SLC5A12: variants seen among roughly 807,000 people sequenced by gnomAD.
The protein encoded by SLC5A12 is sodium-coupled monocarboxylate transporter 2.
In SLC5A12, 46 loss-of-function variants were observed where a neutral mutation model predicts 72.7. That is an observed-to-expected ratio of 0.63 (90% CI 0.50 to 0.81). The LOEUF (loss-of-function observed/expected upper bound fraction) is 0.81, where lower values mean the gene tolerates loss of function less well. SLC5A12 is among the 30% of genes least tolerant of loss of function. The pLI, the probability that SLC5A12 is intolerant of heterozygous loss-of-function variation, is 0.00. For missense variants in SLC5A12, 683 were observed against 740.7 expected, an observed-to-expected ratio of 0.92 and a Z score of 0.90; for synonymous variants, 275 against 264.4, an observed-to-expected ratio of 1.04 and a Z score of -0.39.
chr11:26,682,543 T>C (rs1854434404), intron 11 of SLC5A12, among the ~76,000 whole-genome samples: 1 of 152,098 alleles, frequency 6.6e-6, no homozygotes, highest in Non-Finnish European at 1.5e-5. Context: ...GTGACACAAA[T>C]TTATAATATT....
Position 26,668,210 on chromosome 11 carries a change from C to G in SLC5A12, c.*2892G>C, listed in dbSNP as rs1246264845. 2 of 151,798 alleles carry G rather than the reference C, an allele frequency of 1.3e-5. No individual in the cohort carries two copies. The highest frequency in any genetic ancestry group is 4.8e-5 in the African/African-American group (2 of 41,364). The allele number at this position is 151,798 out of a possible 1,614,324, so 9.4% of individuals were successfully genotyped here. A position where few individuals can be genotyped will look rare whatever the true frequency, so the allele number is the denominator to read the frequency against. On this transcript the variant is annotated 3_prime_UTR_variant, in exon 15 of 15. Coordinates refer to ENST00000396005, the MANE Select transcript of SLC5A12 (RefSeq NM_178498.4). ...TTGTAGTTCTTATTCCAAATGGTGACAAAAAATGTCTGTCATCAAAATGAA... is the reference window on the plus strand; with the variant it reads ...TTGTAGTTCTTATTCCAAATGGTGAGAAAAAATGTCTGTCATCAAAATGAA...
chr11:26,716,124 G>A (rs1855344179), intron 1 of SLC5A12: 1 of 152,074 alleles, frequency 6.6e-6, no homozygotes, highest in Non-Finnish European at 1.5e-5. Context: ...AAACATAAGG[G>A]GCAACGAATC....
At chr11:26,693,076 C>T (rs914064914) in intron 8 of SLC5A12, among the ~76,000 whole-genome samples, 4 of 152,170 alleles carry the variant, frequency 2.6e-5, no homozygotes, top group East Asian at 1.9e-4. Flanking sequence ...ACCAGAAAGA[C>T]GTAGATCTTG....
Position 26,698,554 on chromosome 11 carries a change from G to T in SLC5A12, c.822-19C>A, listed in dbSNP as rs1371934923. 6.2e-7 allele frequency: 1 copy of T among 1,613,214 alleles called. No individual in the cohort carries two copies. Among genetic ancestry groups the T allele is most frequent in the African/African-American group, 1.3e-5 (1 of 74,866 alleles). On this transcript the variant is annotated intron_variant, in intron 6 of 14. Coordinates refer to ENST00000396005, the MANE Select transcript of SLC5A12 (RefSeq NM_178498.4). ...CAAGGCACTAGAAAAGAGCACATGGGCCTATTGGTAGCCTGTATACCATAT... is the reference window on the plus strand; with the variant it reads ...CAAGGCACTAGAAAAGAGCACATGGTCCTATTGGTAGCCTGTATACCATAT...
intron 8 of SLC5A12, among the ~76,000 whole-genome samples, chr11:26,696,053 C>T (rs1253964931): frequency 6.6e-6 from 1 of 152,110 alleles, no homozygotes; most frequent in Non-Finnish European, 1.5e-5. Flanking sequence ...CTTAAAGACC[C>T]TATCGAAATT....
chr11:26,671,413 T>A (rs1854139527), intron 14 of SLC5A12, among the ~76,000 whole-genome samples, 162 bp from the exon 15 acceptor site: 2 of 152,132 alleles, frequency 1.3e-5, no homozygotes, highest in African/African-American at 4.8e-5. Context: ...ATAACTTTGA[T>A]AATCCACGTA....
rs1371663074 is a variant in SLC5A12, at chr11:26,668,906, A to G, written c.*2196T>C. 1 of 152,042 alleles carries G rather than the reference A, an allele frequency of 6.6e-6. No individual in the cohort carries two copies. The highest frequency in any genetic ancestry group is 1.5e-5 in the Non-Finnish European group (1 of 67,974). The allele number at this position is 152,042 out of a possible 1,614,324, so 9.4% of individuals were successfully genotyped here. A position where few individuals can be genotyped will look rare whatever the true frequency, so the allele number is the denominator to read the frequency against. ...AAACGTTTTTAAAACTTTCTCGGAA[A>G]TGTACTGACCTAGTGAAATGTCTTT... On this transcript the variant is annotated 3_prime_UTR_variant, in exon 15 of 15. Coordinates refer to ENST00000396005, the MANE Select transcript of SLC5A12 (RefSeq NM_178498.4).
At chr11:26,701,143 C>A (rs925613354) in intron 6 of SLC5A12, among the ~76,000 whole-genome samples, 1 of 138,594 alleles carries the variant, frequency 7.2e-6, no homozygotes, top group Admixed American at 6.8e-5. Flanking sequence ...ACAGATGGGA[C>A]CCCCCTCACC....
At chr11:26,690,080 A>T (rs1854629926) in intron 9 of SLC5A12, among the ~76,000 whole-genome samples, 1 of 152,202 alleles carries the variant, frequency 6.6e-6, no homozygotes, top group Non-Finnish European at 1.5e-5. Context: ...AAAAAAGTAG[A>T]TGCTATTGCT....
chr11:26,697,095 T>C (rs1854834187), intron 8 of SLC5A12, 69 bp downstream of exon 8: 1 of 1,324,704 alleles, frequency 7.5e-7, no homozygotes, highest in East Asian at 2.3e-5. Context: ...CTAAATATTG[T>C]TGATCACTAC....
chr11:26,675,936 T>C (rs1393054316), intron 13 of SLC5A12, among the ~76,000 whole-genome samples: 1 of 149,868 alleles, frequency 6.7e-6, no homozygotes, highest in East Asian at 2.0e-4. Context: ...CATGAGTGTG[T>C]GTGTATCTAT....
chr11:26,687,354 G>A (rs1246133029), intron 9 of SLC5A12, among the ~76,000 whole-genome samples: 1 of 152,150 alleles, frequency 6.6e-6, no homozygotes, highest in Non-Finnish European at 1.5e-5. Flanking sequence ...TGACAGAGAT[G>A]GAGACACAGT....
chr11:26,670,970 A>T lies in SLC5A12; in HGVS notation c.*132T>A. On this transcript the variant is annotated 3_prime_UTR_variant, in exon 15 of 15. Coordinates refer to ENST00000396005, the MANE Select transcript of SLC5A12 (RefSeq NM_178498.4). Reference sequence around the variant, plus strand: ...CATGTAGTTATAAATAAGTAGAAATAGGCACCAGACATCCCTGTCTTCTAG... The same window carrying T: ...CATGTAGTTATAAATAAGTAGAAATTGGCACCAGACATCCCTGTCTTCTAG... The T allele has an allele frequency of 1.4e-6, 1 of 716,838 alleles. No individual in the cohort carries two copies. Among genetic ancestry groups the T allele is most frequent in the Non-Finnish European group, 2.1e-6 (1 of 465,954 alleles). The allele number at this position is 716,838 out of a possible 1,614,324, so 44.4% of individuals were successfully genotyped here.
rs759310045 is a variant in SLC5A12 at position 26,673,359 on chromosome 11, T to C, written c.1707+43A>G. Reference sequence around the variant, plus strand: ...TTAAATGGGCAAAACCAGGAATCCCTTTGAGTCCATACACATTTTTAGAAG... The same window carrying C: ...TTAAATGGGCAAAACCAGGAATCCCCTTGAGTCCATACACATTTTTAGAAG... On this transcript the variant is annotated intron_variant, in intron 14 of 14. Coordinates refer to ENST00000396005, the MANE Select transcript of SLC5A12 (RefSeq NM_178498.4). The C allele has an allele frequency of 4.8e-6, 7 of 1,468,972 alleles. No homozygotes were observed. The South Asian group carries it at 1.1e-4, about 22-fold the overall frequency. The allele number at this position is 1,468,972 out of a possible 1,614,324, so 91.0% of individuals were successfully genotyped here. A position where few individuals can be genotyped will look rare whatever the true frequency, so the allele number is the denominator to read the frequency against.
chr11:26,692,589 G>A lies in SLC5A12; in HGVS notation c.1053C>T (p.Ser351=), dbSNP rs1472110062. The change falls in exon 9 of 15, where the codon TCC becomes TCT. Residue 351 remains serine, a synonymous_variant. Coordinates refer to ENST00000396005, the MANE Select transcript of SLC5A12 (RefSeq NM_178498.4). ...TCACTGTTGCCAAGGCATTGATGCT[G>A]GAAGCCACGGTGCTATAAGGAAAGA... The part of the protein sequence containing the change: ...AFSGTLSTVA[S]SINALATVTF... 1 of 1,613,144 alleles carries A rather than the reference G, an allele frequency of 6.2e-7. No individual in the cohort carries two copies. The highest frequency in any genetic ancestry group is 1.7e-5 in the Admixed American group (1 of 60,014).
chr11:26,723,301 A>G (rs1255490711), upstream of SLC5A12: 1 of 152,506 alleles, frequency 6.6e-6, no homozygotes, highest in Non-Finnish European at 1.5e-5. Flanking sequence ...GTATGCTTTT[A>G]GTTACCAATA....
chr11:26,722,064 C>T (rs1049334330), upstream of SLC5A12: 7 of 230,096 alleles, frequency 3.0e-5, no homozygotes, highest in Non-Finnish European at 5.9e-5. Context: ...GTGGAATGGA[C>T]TGGCCAGATA....
intron 8 of SLC5A12, 47 bp downstream of exon 8, chr11:26,697,117 T>C: frequency 6.7e-7 from 1 of 1,496,766 alleles, no homozygotes; most frequent in Non-Finnish European, 9.3e-7. Context: ...CCATCATCCT[T>C]GTTATCCTTT....
At chr11:26,686,745 C>A (rs901843657) in intron 9 of SLC5A12, among the ~76,000 whole-genome samples, 17 of 152,262 alleles carry the variant, frequency 1.1e-4, no homozygotes, top group African/African-American at 3.4e-4. Context: ...GTTTCAATGA[C>A]CTGCTTCCTC....
Sources: allele counts gnomAD v4.1 joint callset (sites outside exome capture counted in the v4.1 genomes callset), GRCh38; gene constraint gnomAD v4.1.1; transcripts MANE v1.5; gene names NCBI Gene and HGNC (gene_info 2026-07-23, HGNC 2026-07-21).